Variants in SLC39A10 observed in about 807,000 individuals in gnomAD.
SLC39A10 encodes solute carrier family 39 member 10.
Under a neutral mutation model 65.1 loss-of-function variants are expected in SLC39A10, and 13 were observed. The observed-to-expected ratio is 0.20, with a 90% CI of 0.13 to 0.32. The LOEUF (loss-of-function observed/expected upper bound fraction) is 0.32, where lower values mean the gene tolerates loss of function less well. Among genes scored for constraint, SLC39A10 ranks in the 10% least tolerant of loss-of-function variants. The pLI is 1.00. For missense variants in SLC39A10, 831 were observed against 1,018.4 expected (o/e 0.82, Z 2.50); for synonymous variants, 321 against 342.2 (o/e 0.94, Z 0.68).
At chr2:195,687,732 CA>C (rs1690579579) in intron 3 of SLC39A10, among the ~76,000 whole-genome samples, 1 of 152,212 alleles carries the variant, frequency 6.6e-6, no homozygotes, top group Admixed American at 6.5e-5. Context: ...CATAGTGGCA[CA>C]GCTACTACCT....
intron 2 of SLC39A10, among the ~76,000 whole-genome samples, chr2:195,615,030 C>T (rs939291881): frequency 2.0e-5 from 3 of 151,954 alleles, no homozygotes; most frequent in Non-Finnish European, 4.4e-5. Context: ...ATACTCAGCC[C>T]GGGGAACAGT....
chr2:195,645,118 A>G (rs1688887760), intron 2 of SLC39A10, among the ~76,000 whole-genome samples: 1 of 152,032 alleles, frequency 6.6e-6, no homozygotes. Context: ...CATGTTGGTC[A>G]GGCTGGTCTC....
intron 3 of SLC39A10, among the ~76,000 whole-genome samples, chr2:195,689,877 C>A (rs1690663150): frequency 1.3e-5 from 2 of 152,130 alleles, no homozygotes; most frequent in African/African-American, 4.8e-5. Flanking sequence ...CATGTTGTAG[C>A]ATCAGCAATT....
intron 1 of SLC39A10, among the ~76,000 whole-genome samples, chr2:195,667,276 G>C (rs531883111): frequency 7.2e-5 from 11 of 152,202 alleles, no homozygotes; most frequent in Non-Finnish European, 1.2e-4. Context: ...CAGTAGATTA[G>C]ATAGCTGGTG....
chr2:195,652,447 G>C (rs183408258), upstream of SLC39A10, among the ~76,000 whole-genome samples: 267 of 151,806 alleles, frequency 1.8e-3, no homozygotes, highest in African/African-American at 5.1e-3. Flanking sequence ...TACTCGGGAG[G>C]CTGAGGCAGG....
chr2:195,698,264 T>G (rs902273582), intron 3 of SLC39A10, among the ~76,000 whole-genome samples: 1 of 152,152 alleles, frequency 6.6e-6, no homozygotes. Context: ...TAAGATCAAG[T>G]GCAAACAGAT....
chr2:195,716,199 A>G (rs749442060), intron 6 of SLC39A10, among the ~76,000 whole-genome samples: 1 of 152,194 alleles, frequency 6.6e-6, no homozygotes, highest in Non-Finnish European at 1.5e-5. Flanking sequence ...TACAGTTAAT[A>G]AAGTTCTCAG....
chr2:195,650,408 T>C (rs1689008697), intron 2 of SLC39A10, among the ~76,000 whole-genome samples: 2 of 152,190 alleles, frequency 1.3e-5, no homozygotes. Flanking sequence ...TTGCTTTTGT[T>C]CATTCTTCTG....
At chr2:195,652,082 A>C (rs1485347030), upstream of SLC39A10, among the ~76,000 whole-genome samples, 2 of 152,172 alleles carry the variant, frequency 1.3e-5, no homozygotes, top group African/African-American at 4.8e-5. Flanking sequence ...TTTGGTCCAG[A>C]AAAGTGGGAC....
intron 2 of SLC39A10, among the ~76,000 whole-genome samples, chr2:195,632,663 T>C (rs1252414384): frequency 6.6e-6 from 1 of 152,216 alleles, no homozygotes; most frequent in Non-Finnish European, 1.5e-5. Context: ...TTACGATTCA[T>C]GGTTTCATCC....
chr2:195,728,974 C>CT lies in SLC39A10; in HGVS notation c.2337+639dup, dbSNP rs879395270. On this transcript the variant is annotated intron_variant, in intron 9 of 9. Transcript: ENST00000359634. This position sits in a 1 kb window ranked among gnomAD's most constrained non-coding sequence, Gnocchi z 4.4. Reference sequence around the variant, plus strand: ...CAGTCTTATTTCAAAATTATGCAGCCTTTTTTTTTTTTTTATGAGATAGGG... The same window carrying CT: ...CAGTCTTATTTCAAAATTATGCAGCCTTTTTTTTTTTTTTTATGAGATAGGG... Among the ~76,000 whole-genome samples the CT allele has an allele frequency of 7.9e-3, 1,081 of 136,598 alleles. 4 individuals are homozygous for CT. Among genetic ancestry groups the CT allele is most frequent in the African/African-American group, 0.02 (746 of 37,372 alleles). 89.6% of individuals were successfully genotyped at this position (136,598 alleles called of 152,430 possible).
intron 3 of SLC39A10, among the ~76,000 whole-genome samples, chr2:195,701,435 C>CTTTTTTTTTTTT (rs66525117): frequency 4.9e-3 from 27 of 5,494 alleles, no homozygotes; most frequent in Non-Finnish European, 7.0e-3. Flanking sequence ...TTCTGTGATT[C>CTTTTTTTTTTTT]TTTTTTTTTT....
chr2:195,713,290 A>AT, intron 5 of SLC39A10, 143 bp from the exon 6 acceptor site: 25 of 631,990 alleles, frequency 4.0e-5, no homozygotes, highest in Non-Finnish European at 5.5e-5. Context: ...ACTCCCAAGA[A>AT]TTTTTTTTCA....
At chr2:195,724,367 A>T (rs1692159673) in intron 8 of SLC39A10, among the ~76,000 whole-genome samples, 1 of 152,182 alleles carries the variant, frequency 6.6e-6, no homozygotes, top group African/African-American at 2.4e-5. Flanking sequence ...ACTTAGTTTT[A>T]AAATGTTTAT....
At chr2:195,722,793 G>T (rs556844056) in intron 8 of SLC39A10, among the ~76,000 whole-genome samples, 2 of 152,272 alleles carry the variant, frequency 1.3e-5, no homozygotes, top group South Asian at 4.1e-4. Flanking sequence ...TTTTCATTAT[G>T]AATTCTTAAA....
At chr2:195,682,159 G>A (rs1347006281) in intron 2 of SLC39A10, among the ~76,000 whole-genome samples, 1 of 151,968 alleles carries the variant, frequency 6.6e-6, no homozygotes, top group African/African-American at 2.4e-5. Flanking sequence ...TTTCATTAAA[G>A]GGATGTTGAT....
chr2:195,696,154 T>C (rs930774592), intron 3 of SLC39A10, among the ~76,000 whole-genome samples: 11 of 152,328 alleles, frequency 7.2e-5, no homozygotes, highest in Non-Finnish European at 1.5e-4. Flanking sequence ...TCTGTTTTTA[T>C]GCCGTTACTG....
chr2:195,718,915 T>C (rs1278131942), intron 8 of SLC39A10, among the ~76,000 whole-genome samples: 1 of 152,040 alleles, frequency 6.6e-6, no homozygotes, highest in Admixed American at 6.5e-5. Flanking sequence ...AGTAAGAAGG[T>C]TGGATGATTT....
intron 2 of SLC39A10, among the ~76,000 whole-genome samples, chr2:195,640,745 G>A (rs769333256): frequency 7.2e-5 from 11 of 152,084 alleles, no homozygotes; most frequent in Non-Finnish European, 1.6e-4. Flanking sequence ...AAAATATTTA[G>A]AACACAAAAG....
Sources: gnomAD v4.1 joint callset for allele counts (sites outside exome capture counted in the v4.1 genomes callset) on GRCh38, gnomAD v4.1.1 for gene constraint, Gnocchi (gnomAD v3.1) non-coding constraint, MANE v1.5 for transcripts, NCBI Gene and HGNC (gene_info 2026-07-23, HGNC 2026-07-21) for gene names.